GPR12: variants seen among roughly 807,000 people sequenced by gnomAD.
GPR12 encodes G protein-coupled receptor 12.
In GPR12, 7 loss-of-function variants were observed where a neutral mutation model predicts 18.9. That is an observed-to-expected ratio of 0.37 (90% CI 0.21 to 0.70). The LOEUF (loss-of-function observed/expected upper bound fraction) is 0.70. Among genes scored for constraint, GPR12 ranks in the 30% least tolerant of loss-of-function variants. The pLI, the probability that GPR12 is intolerant of heterozygous loss-of-function variation, is 0.54. For missense variants in GPR12, 327 were observed against 427.7 expected, an observed-to-expected ratio of 0.76 and a Z score of 2.08; for synonymous variants, 201 against 188.6, an observed-to-expected ratio of 1.07 and a Z score of -0.54.
At position 26,759,545 on chromosome 13, in the gene GPR12, T is replaced by C; in HGVS notation, c.283A>G (p.Ile95Val). Reference sequence around the variant, plus strand: ...AAAACAAAATTGGTGATGAGTCCAATGCCGGCCAGCAGGTCTGCAAGAGCC... The same window carrying C: ...AAAACAAAATTGGTGATGAGTCCAACGCCGGCCAGCAGGTCTGCAAGAGCC... ...SLALADLLAG[I>V]GLITNFVFAY... Residue 95 changes from isoleucine to valine, a missense_variant, in exon 2 of 2, where the codon ATT becomes GTT. Transcript: ENST00000405846. 6.2e-7 allele frequency: 1 copy of C among 1,614,154 alleles called. No individual in the cohort carries two copies. Among genetic ancestry groups the C allele is most frequent in the South Asian group, 1.1e-5 (1 of 91,074 alleles).
rs189234188 is a variant in GPR12, at chr13:26,757,168, C to T, written c.*1655G>A. The T allele has an allele frequency of 9.2e-5, 14 of 152,268 alleles. No homozygotes were observed. Among genetic ancestry groups the T allele is most frequent in the South Asian group, 4.1e-4 (2 of 4,826 alleles). The allele number at this position is 152,268 out of a possible 1,614,324, so 9.4% of individuals were successfully genotyped here. ...GATTCAAGTAGAGGATTTTTTCACA[C>T]GTGTGCTACATTAGAAGATGCTCTG... On this transcript the variant is annotated 3_prime_UTR_variant, in exon 2 of 2. Transcript: ENST00000405846.
rs967866309 is a variant in GPR12, at chr13:26,755,378, C to A, written c.*3445G>T. The A allele has an allele frequency of 3.9e-5, 6 of 151,944 alleles. No individual in the cohort carries two copies. Among genetic ancestry groups the A allele is most frequent in the African/African-American group, 1.5e-4 (6 of 41,350 alleles). The allele number at this position is 151,944 out of a possible 1,614,324, so 9.4% of individuals were successfully genotyped here. On this transcript the variant is annotated 3_prime_UTR_variant, in exon 2 of 2. Coordinates refer to ENST00000405846, the MANE Select transcript of GPR12 (RefSeq NM_005288.4). ...ATCACATATTACTATAAAATAAAGT[C>A]AATCATTATTTTAATAATGGATTAA...
chr13:26,756,088 GT>G lies in GPR12; in HGVS notation c.*2734del, dbSNP rs2137575810. The G allele has an allele frequency of 6.6e-6, 1 of 152,320 alleles. No individual in the cohort carries two copies. Among genetic ancestry groups the G allele is most frequent in the African/African-American group, 2.4e-5 (1 of 41,574 alleles). The allele number at this position is 152,320 out of a possible 1,614,324, so 9.4% of individuals were successfully genotyped here. ...TTCACAATTTAAACGGTAAAGGCAT[GT>G]TGTTAGTTGAACTGAAAAATCTCTT... On this transcript the variant is annotated 3_prime_UTR_variant, in exon 2 of 2. Coordinates refer to ENST00000405846, the MANE Select transcript of GPR12 (RefSeq NM_005288.4).
rs9581737 is a variant in GPR12 at position 26,759,947 on chromosome 13, T to C, written c.-15-105A>G. On this transcript the variant is annotated intron_variant, in intron 1 of 1. Transcript: ENST00000405846. ...AACAGAAAGCCAGCCCCTGCTCAGA[T>C]ACCAGTACCAAATGCCACAAGCTTC... The C allele has an allele frequency of 0.09, 128,284 of 1,424,904 alleles. 6,295 individuals carry two copies. Among genetic ancestry groups the C allele is most frequent in the Non-Finnish European group, 0.1 (109,366 of 1,084,326 alleles). The allele number at this position is 1,424,904 out of a possible 1,614,324, so 88.3% of individuals were successfully genotyped here.
In GPR12 at chr13:26,759,762, C is replaced by A. The variant is rs1404015889; in HGVS notation, c.66G>T (p.Ala22=). ...LPRDYLDAAA[A]ENISAAVSSR... is the part of the protein sequence containing the mutation. ...AGGAGACAGCAGCCGAGATGTTCTC[C>A]GCAGCAGCGGCATCTAAATAATCCC... The change falls in exon 2 of 2, where the codon GCG becomes GCT. Residue 22 remains alanine, a synonymous_variant. Coordinates refer to ENST00000405846, the MANE Select transcript of GPR12 (RefSeq NM_005288.4). The A allele has an allele frequency of 6.2e-7, 1 of 1,610,840 alleles. No individual in the cohort carries two copies. The highest frequency in any genetic ancestry group is 1.3e-5 in the African/African-American group (1 of 74,818).
rs1470474289 is a variant in GPR12 at position 26,759,417 on chromosome 13, G to A, written c.411C>T (p.Asp137=). ...SVCSLLAITV[D]RYLSLYYALT... is the part of the protein sequence containing the mutation. ...GAGCGTAGTACAGTGAGAGGTAGCGGTCAACAGTGATAGCCAGCAAGCTGC... is the reference window on the plus strand; with the variant it reads ...GAGCGTAGTACAGTGAGAGGTAGCGATCAACAGTGATAGCCAGCAAGCTGC... Residue 137 remains aspartate (D), a synonymous_variant, in exon 2 of 2, where the codon GAC becomes GAT. Coordinates refer to ENST00000405846, the MANE Select transcript of GPR12 (RefSeq NM_005288.4). The A allele has an allele frequency of 6.2e-7, 1 of 1,614,116 alleles. No individual in the cohort carries two copies. The highest frequency in any genetic ancestry group is 8.5e-7 in the Non-Finnish European group (1 of 1,180,030).
At position 26,759,166 on chromosome 13, in the gene GPR12, C is replaced by G; in HGVS notation, c.662G>C (p.Cys221Ser). 1.2e-6 allele frequency: 2 copies of G among 1,613,374 alleles called. No homozygotes were observed. Among genetic ancestry groups the G allele is most frequent in the Non-Finnish European group, 1.7e-6 (2 of 1,179,940 alleles). The change falls in exon 2 of 2, where the codon TGT becomes TCT. Residue 221 changes from cysteine (C) to serine (S), a missense_variant. Physicochemically the swap from Cys to Ser is moderately radical, Grantham distance 112. Coordinates refer to ENST00000405846, the MANE Select transcript of GPR12 (RefSeq NM_005288.4). ...ATGGGCGTGCCTCATCACAATCTTA[C>G]AGATCTGGATGTAGAGCTGAAGCAT... Reference protein sequence around the residue: ...ALMLQLYIQICKIVMRHAHQI... With the variant: ...ALMLQLYIQISKIVMRHAHQI...
At chr13:26,760,039 A>C in intron 1 of GPR12, 197 bp from the exon 2 acceptor site, 1 of 871,186 alleles carries the variant, frequency 1.1e-6, no homozygotes, top group Non-Finnish European at 1.6e-6. Context: ...CCCACAACAA[A>C]AATGCCGTTT....
chr13:26,758,255 T>C lies in GPR12; in HGVS notation c.*568A>G, dbSNP rs1036502053. On this transcript the variant is annotated 3_prime_UTR_variant, in exon 2 of 2. Transcript: ENST00000405846. ...GATAAGAATGGGTTCACGGTTTCAG[T>C]GTCGGTGACATTACTGAGTTCATGT... The C allele has an allele frequency of 6.6e-6, 1 of 152,356 alleles. No homozygotes were observed. The highest frequency in any genetic ancestry group is 1.5e-5 in the Non-Finnish European group (1 of 68,176). The allele number at this position is 152,356 out of a possible 1,614,324, so 9.4% of individuals were successfully genotyped here. A position where few individuals can be genotyped will look rare whatever the true frequency, so the allele number is the denominator to read the frequency against.
Position 26,759,080 on chromosome 13 carries a change from C to A in GPR12, c.748G>T (p.Val250Phe). 1 of 1,613,920 alleles carries A rather than the reference C, an allele frequency of 6.2e-7. No homozygotes were observed. The highest frequency in any genetic ancestry group is 8.5e-7 in the Non-Finnish European group (1 of 1,179,988). ...TSHYVTTRKGVSTLAIILGTF... is the reference protein window; with the variant it reads ...TSHYVTTRKGFSTLAIILGTF... ...CCCAGGATGATAGCCAGGGTGGAGA[C>A]CCCTTTCCGGGTGGTCACATAGTGC... Residue 250 changes from valine to phenylalanine, a missense_variant, in exon 2 of 2, where the codon GTC becomes TTC. Val to Phe is a conservative substitution (Grantham distance 50). Coordinates refer to ENST00000405846, the MANE Select transcript of GPR12 (RefSeq NM_005288.4).
chr13:26,758,196 G>A lies in GPR12; in HGVS notation c.*627C>T, dbSNP rs906628401. ...TTATAGAAATACCGAAGGAATTCTC[G>A]TGAACAGTAATTGCCGAAAGGAAAG... On this transcript the variant is annotated 3_prime_UTR_variant, in exon 2 of 2. Coordinates refer to ENST00000405846, the MANE Select transcript of GPR12 (RefSeq NM_005288.4). The A allele has an allele frequency of 1.3e-5, 2 of 152,172 alleles. No homozygotes were observed. The highest frequency in any genetic ancestry group is 2.4e-5 in the African/African-American group (1 of 41,428). 9.4% of individuals were successfully genotyped at this position (152,172 alleles called of 1,614,324 possible). A position where few individuals can be genotyped will look rare whatever the true frequency, so the allele number is the denominator to read the frequency against.
chr13:26,759,258 C>T lies in GPR12; in HGVS notation c.570G>A (p.Val190=). Residue 190 remains valine (V), a synonymous_variant, in exon 2 of 2, where the codon GTG becomes GTA. Transcript: ENST00000405846. ...NCLRDESTCS[V]VRPLTKNNAA... is the part of the protein sequence containing the mutation. The stretch of plus-strand genomic sequence containing the variant: ...CGTTGTTCTTGGTGAGCGGTCTGAC[C>T]ACGCTGCAGGTGGACTCGTCTCGGA... 6.2e-7 allele frequency: 1 copy of T among 1,612,826 alleles called. No individual in the cohort carries two copies. Among genetic ancestry groups the T allele is most frequent in the Non-Finnish European group, 8.5e-7 (1 of 1,179,902 alleles).
Position 26,755,876 on chromosome 13 carries a change from G to A in GPR12, c.*2947C>T, listed in dbSNP as rs1884364734. On this transcript the variant is annotated 3_prime_UTR_variant, in exon 2 of 2. Coordinates refer to ENST00000405846, the MANE Select transcript of GPR12 (RefSeq NM_005288.4). ...AGTAAAAGATTATCTGCTACCTCAGGACTGTTGGAAATAAGACAGTTTTCC... is the reference window on the plus strand; with the variant it reads ...AGTAAAAGATTATCTGCTACCTCAGAACTGTTGGAAATAAGACAGTTTTCC... The A allele has an allele frequency of 6.6e-6, 1 of 152,098 alleles. No individual in the cohort carries two copies. Among genetic ancestry groups the A allele is most frequent in the African/African-American group, 2.4e-5 (1 of 41,406 alleles). The allele number at this position is 152,098 out of a possible 1,614,324, so 9.4% of individuals were successfully genotyped here. A position where few individuals can be genotyped will look rare whatever the true frequency, so the allele number is the denominator to read the frequency against.
rs1225466971 is a variant in GPR12, at chr13:26,757,201, G to A, written c.*1622C>T. 1 of 152,164 alleles carries A rather than the reference G, an allele frequency of 6.6e-6. No homozygotes were observed. The highest frequency in any genetic ancestry group is 6.5e-5 in the Admixed American group (1 of 15,274). 9.4% of individuals were successfully genotyped at this position (152,164 alleles called of 1,614,324 possible). A position where few individuals can be genotyped will look rare whatever the true frequency, so the allele number is the denominator to read the frequency against. ...ACATTAGAAGATGCTCTGGAGAGAA[G>A]GCATCAGCATGCAGGCTCCCAGAAT... On this transcript the variant is annotated 3_prime_UTR_variant, in exon 2 of 2. Transcript: ENST00000405846.
In GPR12 at chr13:26,755,576, C is replaced by A. The variant is rs1016898276; in HGVS notation, c.*3247G>T. ...AACCAAGGAATCCACTCCTCCTGAA[C>A]CTGGCTCCTTACTGTAGGCTCCAGG... On this transcript the variant is annotated 3_prime_UTR_variant, in exon 2 of 2. Transcript: ENST00000405846. 10 of 152,146 alleles carry A rather than the reference C, an allele frequency of 6.6e-5. No individual in the cohort carries two copies. The highest frequency in any genetic ancestry group is 2.4e-4 in the African/African-American group (10 of 41,436). 9.4% of individuals were successfully genotyped at this position (152,146 alleles called of 1,614,324 possible).
chr13:26,760,079 C>A (rs981542438), intron 1 of GPR12: 27 of 473,778 alleles, frequency 5.7e-5, no homozygotes, highest in Non-Finnish European at 4.3e-5. Context: ...GGTAGGACTT[C>A]AAAACACCAG....
Sources: allele counts gnomAD v4.1 joint callset, GRCh38; gene constraint gnomAD v4.1.1; transcripts MANE v1.5; gene names NCBI Gene and HGNC (gene_info 2026-07-23, HGNC 2026-07-21).